The following THSD7A variants were observed in gnomAD, a reference collection of about 807,000 sequenced individuals.
THSD7A encodes thrombospondin type-1 domain-containing protein 7A.
In THSD7A, 96 loss-of-function variants were observed where a neutral mutation model predicts 231.3. The observed-to-expected ratio is 0.41, with a 90% CI of 0.35 to 0.49. The LOEUF is 0.49. Ranked by LOEUF, THSD7A falls within the 20% of genes least tolerant of loss-of-function variation. The pLI is 0.05. For synonymous variants in THSD7A, 940 were observed against 743.3 expected, an observed-to-expected ratio of 1.26 and a Z score of -4.30; for missense variants, 2,290 against 2,070.2, an observed-to-expected ratio of 1.11 and a Z score of -2.06.
chr7:11,465,950 C>G (rs1225649960), intron 9 of THSD7A, among the ~76,000 whole-genome samples: 1 of 152,078 alleles, frequency 6.6e-6, no homozygotes, highest in African/African-American at 2.4e-5. Flanking sequence ...AGCAAGTGCA[C>G]TGGTCTCAGG....
intron 1 of THSD7A, among the ~76,000 whole-genome samples, chr7:11,808,730 A>G (rs1239030643): frequency 6.6e-6 from 1 of 152,132 alleles, no homozygotes; most frequent in Non-Finnish European, 1.5e-5. Flanking sequence ...TAATAATTTG[A>G]CAATCTGTAT....
At chr7:11,651,786 GA>G (rs1782517484) in intron 1 of THSD7A, among the ~76,000 whole-genome samples, 1 of 151,834 alleles carries the variant, frequency 6.6e-6, no homozygotes, top group Non-Finnish European at 1.5e-5. Flanking sequence ...TAATAGCTCA[GA>G]AATGCCCATT....
intron 1 of THSD7A, among the ~76,000 whole-genome samples, chr7:11,643,066 G>A (rs1782146121): frequency 1.3e-5 from 2 of 152,020 alleles, no homozygotes; most frequent in Non-Finnish European, 2.9e-5. Flanking sequence ...ACCATAAAAG[G>A]AGCATGAGAA....
intron 1 of THSD7A, among the ~76,000 whole-genome samples, chr7:11,815,932 C>A (rs1160077451): frequency 6.6e-6 from 1 of 152,064 alleles, no homozygotes; most frequent in African/African-American, 2.4e-5. Flanking sequence ...TGGAAACATG[C>A]CATTTAATTT....
intron 4 of THSD7A, among the ~76,000 whole-genome samples, chr7:11,544,261 GA>G (rs1159795847): frequency 6.6e-6 from 1 of 152,068 alleles, no homozygotes; most frequent in Non-Finnish European, 1.5e-5. Context: ...AGAATCACTT[GA>G]ACCTGGGAGG....
At chr7:11,387,728 A>G (rs866817927) in intron 23 of THSD7A, among the ~76,000 whole-genome samples, 11 of 152,172 alleles carry the variant, frequency 7.2e-5, no homozygotes, top group Non-Finnish European at 1.6e-4. Context: ...CGCCCTGGCC[A>G]GAACTTCCCA....
intron 4 of THSD7A, among the ~76,000 whole-genome samples, chr7:11,577,158 A>G (rs575183460): frequency 6.6e-6 from 1 of 152,324 alleles, no homozygotes; most frequent in South Asian, 2.1e-4. Flanking sequence ...GAAGGCTTTG[A>G]TAAATAAGTC....
At chr7:11,573,753 A>G (rs771834317) in intron 4 of THSD7A, among the ~76,000 whole-genome samples, 11 of 152,174 alleles carry the variant, frequency 7.2e-5, no homozygotes, top group Non-Finnish European at 1.0e-4. Context: ...CTATCAGAGA[A>G]AGGCATTTTG....
intron 1 of THSD7A, among the ~76,000 whole-genome samples, chr7:11,789,107 C>T (rs1783875142): frequency 6.6e-6 from 1 of 151,722 alleles, no homozygotes; most frequent in Non-Finnish European, 1.5e-5. Context: ...AGCTAAATTA[C>T]CAAATATACC....
chr7:11,425,548 G>A (rs936528596), intron 15 of THSD7A, among the ~76,000 whole-genome samples: 3 of 151,984 alleles, frequency 2.0e-5, no homozygotes, highest in African/African-American at 7.3e-5. Context: ...GGGGTGGTAT[G>A]CTTGGTTTCA....
chr7:11,514,462 A>G (rs1014881562), intron 6 of THSD7A, among the ~76,000 whole-genome samples: 1 of 152,198 alleles, frequency 6.6e-6, no homozygotes, highest in Non-Finnish European at 1.5e-5. Flanking sequence ...TATGTGTCAA[A>G]GCCATCATGA....
At chr7:11,571,911 G>T (rs991225775) in intron 4 of THSD7A, among the ~76,000 whole-genome samples, 2 of 151,688 alleles carry the variant, frequency 1.3e-5, no homozygotes, top group South Asian at 2.1e-4. Flanking sequence ...CTGGTGGTTT[G>T]CTGAGCTTTG....
intron 4 of THSD7A, among the ~76,000 whole-genome samples, chr7:11,546,860 AC>A (rs1562706958): frequency 2.0e-5 from 3 of 152,206 alleles, no homozygotes; most frequent in African/African-American, 7.2e-5. Flanking sequence ...AAGAAAAAAA[AC>A]AAACTGATCT....
intron 1 of THSD7A, among the ~76,000 whole-genome samples, chr7:11,651,486 A>ACTATCTATCATCTATCTATCTAT (rs373522018): frequency 3.3e-5 from 5 of 149,780 alleles, no homozygotes; most frequent in African/African-American, 1.2e-4. Context: ...CTATCTATCA[A>ACTATCTATCATCTATCTATCTAT]CTATCTATCT....
rs184658154 is a variant in THSD7A at position 11,646,563 on chromosome 7, T to C, written c.191-9602A>G. On this transcript the variant is annotated intron_variant, in intron 1 of 27. Transcript: ENST00000423059. ...AACTGCATAACATTTCACTCAAAAA[T>C]GTGAAATGGACAAAACTTTTTACCC... Among the ~76,000 whole-genome samples, 21 of 152,110 alleles carry C rather than the reference T, an allele frequency of 1.4e-4. No homozygotes were observed. The East Asian group carries it at 3.9e-3, about 28-fold the overall frequency.
At chr7:11,497,153 G>C (rs1787136871) in intron 6 of THSD7A, among the ~76,000 whole-genome samples, 1 of 152,174 alleles carries the variant, frequency 6.6e-6, no homozygotes, top group Non-Finnish European at 1.5e-5. Flanking sequence ...AATGAGAGCT[G>C]AGTAAAGGGG....
At chr7:11,529,121 T>C (rs1788597070) in intron 6 of THSD7A, among the ~76,000 whole-genome samples, 1 of 152,140 alleles carries the variant, frequency 6.6e-6, no homozygotes, top group Non-Finnish European at 1.5e-5. Flanking sequence ...ACTCTAAAAT[T>C]AGTAACATTG....
intron 1 of THSD7A, among the ~76,000 whole-genome samples, chr7:11,808,864 T>C (rs1039181727): frequency 6.6e-6 from 1 of 152,126 alleles, no homozygotes; most frequent in African/African-American, 2.4e-5. Context: ...ATTTACAGTA[T>C]AATTTCATAA....
intron 6 of THSD7A, among the ~76,000 whole-genome samples, chr7:11,492,210 T>C (rs1786923377): frequency 6.6e-6 from 1 of 152,026 alleles, no homozygotes; most frequent in Non-Finnish European, 1.5e-5. Flanking sequence ...TGGAAGAGGA[T>C]GACTCTGTGC....
Sources: allele counts gnomAD v4.1 joint callset (sites outside exome capture counted in the v4.1 genomes callset), GRCh38; gene constraint gnomAD v4.1.1; transcripts MANE v1.5; gene names NCBI Gene and HGNC (gene_info 2026-07-23, HGNC 2026-07-21).